Variants in FARSB observed in about 807,000 individuals in gnomAD.
FARSB encodes phenylalanyl-tRNA synthetase subunit beta.
FARSB carries 40 observed loss-of-function variants against 69.6 expected under a neutral mutation model. The observed-to-expected ratio is 0.57, with a 90% CI of 0.45 to 0.75. The LOEUF is 0.75. Ranked by LOEUF, FARSB falls within the 30% of genes least tolerant of loss-of-function variation. The probability of loss-of-function intolerance (pLI) is 0.00; values close to 1 mark genes in which losing one functional copy is unlikely to be tolerated. For missense variants in FARSB, 632 were observed against 722.9 expected (o/e 0.87, Z 1.44); for synonymous variants, 235 against 247.2 (o/e 0.95, Z 0.46).
At chr2:222,638,958 T>G (rs2106235010) in intron 5 of FARSB, among the ~76,000 whole-genome samples, 1 of 152,320 alleles carries the variant, frequency 6.6e-6, no homozygotes, top group East Asian at 1.9e-4. Flanking sequence ...TTGAAATACT[T>G]AAATTTGTTC....
chr2:222,649,426 C>T (rs1373229977), intron 1 of FARSB, among the ~76,000 whole-genome samples: 1 of 152,196 alleles, frequency 6.6e-6, no homozygotes, highest in Non-Finnish European at 1.5e-5. Context: ...ATAAAGTAGG[C>T]TCCAAATCAC....
At chr2:222,636,844 C>T (rs1436812267) in intron 5 of FARSB, among the ~76,000 whole-genome samples, 1 of 152,094 alleles carries the variant, frequency 6.6e-6, no homozygotes, top group Non-Finnish European at 1.5e-5. Flanking sequence ...ATTCTATATG[C>T]ATCAAAAGGC....
intron 16 of FARSB, among the ~76,000 whole-genome samples, chr2:222,592,461 A>C (rs1358518156): frequency 1.3e-5 from 2 of 152,046 alleles, no homozygotes; most frequent in Non-Finnish European, 2.9e-5. Context: ...GTGCTGCCCC[A>C]TTTTGGCCAA....
At chr2:222,573,506 ACATT>A (rs1689764044) in intron 16 of FARSB, among the ~76,000 whole-genome samples, 3 of 152,180 alleles carry the variant, frequency 2.0e-5, no homozygotes. Context: ...ATGAATATTC[ACATT>A]CATATGAATA....
chr2:222,581,454 A>G (rs1328583675), intron 16 of FARSB, among the ~76,000 whole-genome samples: 1 of 152,236 alleles, frequency 6.6e-6, no homozygotes, highest in Non-Finnish European at 1.5e-5. Flanking sequence ...TAGTAAAAGA[A>G]ACATTTCCAA....
intron 15 of FARSB, among the ~76,000 whole-genome samples, chr2:222,601,093 G>C (rs541950948): frequency 4.8e-4 from 73 of 152,122 alleles, no homozygotes; most frequent in Non-Finnish European, 9.1e-4. Flanking sequence ...ACAGAAAGTA[G>C]AAAGGTAGCT....
intron 14 of FARSB, 69 bp downstream of exon 14, chr2:222,619,576 G>A: frequency 1.3e-6 from 1 of 750,458 alleles, no homozygotes; most frequent in South Asian, 1.5e-5. Flanking sequence ...AATAACTGAA[G>A]AGACTTTTCC....
At position 222,626,549 on chromosome 2, in the gene FARSB, C is replaced by T. The variant is rs530119779; in HGVS notation, c.901-1774G>A. On this transcript the variant is annotated intron_variant, in intron 10 of 16. Coordinates refer to ENST00000281828, the MANE Select transcript of FARSB (RefSeq NM_005687.5). Reference sequence around the variant, plus strand: ...TTAGGAGGAAATAAATGAACAAATGCCAAAACACTCATGCAGTACTCCTTT... The same window carrying T: ...TTAGGAGGAAATAAATGAACAAATGTCAAAACACTCATGCAGTACTCCTTT... Among the ~76,000 whole-genome samples the T allele has an allele frequency of 2.6e-5, 4 of 152,166 alleles. No homozygotes were observed. In the East Asian group the frequency reaches 5.8e-4, roughly 22 times the overall value.
chr2:222,616,453 AG>A (rs1690997540), intron 14 of FARSB, among the ~76,000 whole-genome samples: 2 of 149,504 alleles, frequency 1.3e-5, no homozygotes, highest in Non-Finnish European at 3.0e-5. Context: ...AGGCTGAGGC[AG>A]GAGAATTGCT....
chr2:222,567,058 G>C lies in FARSB; in HGVS notation c.*4813C>G, dbSNP rs1325273564. On this transcript the variant is annotated 3_prime_UTR_variant, in exon 17 of 17. Transcript: ENST00000281828. Reference sequence around the variant, plus strand: ...TCACCTCTTCTGTATGTGTGCGCCAGGTAGGCAGAGAAACAGAGCAAGCTC... The same window carrying C: ...TCACCTCTTCTGTATGTGTGCGCCACGTAGGCAGAGAAACAGAGCAAGCTC... 1 of 152,228 alleles carries C rather than the reference G, an allele frequency of 6.6e-6. No homozygotes were observed. The highest frequency in any genetic ancestry group is 1.5e-5 in the Non-Finnish European group (1 of 68,060). The allele number at this position is 152,228 out of a possible 1,614,324, so 9.4% of individuals were successfully genotyped here.
intron 15 of FARSB, among the ~76,000 whole-genome samples, chr2:222,606,688 T>A (rs1271820157): frequency 6.6e-6 from 1 of 152,226 alleles, no homozygotes; most frequent in African/African-American, 2.4e-5. Flanking sequence ...TGATGTCCCC[T>A]TGTAAATGAC....
At chr2:222,621,697 T>G (rs1258564374) in intron 13 of FARSB, among the ~76,000 whole-genome samples, 1 of 152,166 alleles carries the variant, frequency 6.6e-6, no homozygotes, top group Non-Finnish European at 1.5e-5. Context: ...TATGCAGATA[T>G]AGCAAAAATC....
intron 14 of FARSB, among the ~76,000 whole-genome samples, chr2:222,616,398 T>G (rs779473521): frequency 5.7e-4 from 87 of 152,084 alleles, no homozygotes; most frequent in Non-Finnish European, 9.3e-4. Flanking sequence ...AATACAAAAA[T>G]TAGCTGGGCG....
intron 11 of FARSB, 40 bp from the exon 12 acceptor site, chr2:222,624,519 A>G (rs989202751): frequency 7.3e-7 from 1 of 1,361,064 alleles, no homozygotes; most frequent in African/African-American, 1.5e-5. Context: ...TCATTGGATT[A>G]TTTTTTTAAT....
intron 16 of FARSB, among the ~76,000 whole-genome samples, chr2:222,592,253 T>C (rs902013245): frequency 6.6e-6 from 1 of 152,182 alleles, no homozygotes; most frequent in African/African-American, 2.4e-5. Flanking sequence ...CACATTACCA[T>C]CCCTACCTAG....
intron 7 of FARSB, among the ~76,000 whole-genome samples, chr2:222,632,075 G>A (rs897675854): frequency 4.6e-5 from 7 of 151,504 alleles, no homozygotes; most frequent in Admixed American, 3.3e-4. Flanking sequence ...GCAATGGCAC[G>A]AGAGTGTGCC....
At chr2:222,646,208 G>C (rs1868026) in intron 2 of FARSB, among the ~76,000 whole-genome samples, 129,918 of 152,156 alleles carry the variant, frequency 0.85, 56,371 homozygotes, top group African/African-American at 0.97. Context: ...CTTCCTCCTT[G>C]TGGGAGGAGA....
intron 15 of FARSB, among the ~76,000 whole-genome samples, chr2:222,600,950 A>C (rs1022923903): frequency 1.3e-5 from 2 of 152,214 alleles, no homozygotes; most frequent in Admixed American, 6.5e-5. Context: ...CAGAATACTA[A>C]AGTTTATGAA....
intron 16 of FARSB, among the ~76,000 whole-genome samples, chr2:222,593,029 C>T (rs938649042): frequency 2.6e-5 from 4 of 151,990 alleles, no homozygotes; most frequent in African/African-American, 7.2e-5. Context: ...AGACTAAAAA[C>T]GTATCATATA....
Sources: gnomAD v4.1 joint callset for allele counts (sites outside exome capture counted in the v4.1 genomes callset) on GRCh38, gnomAD v4.1.1 for gene constraint, MANE v1.5 for transcripts, NCBI Gene and HGNC (gene_info 2026-07-23, HGNC 2026-07-21) for gene names.